The following RNPEPL1 variants were observed in gnomAD, a reference collection of about 807,000 sequenced individuals.
RNPEPL1 encodes aminopeptidase RNPEPL1.
Under a neutral mutation model 69.0 loss-of-function variants are expected in RNPEPL1, and 46 were observed. The ratio of observed to expected loss-of-function variants is 0.67; its 90% CI spans 0.53 to 0.85. The LOEUF (loss-of-function observed/expected upper bound fraction) is 0.85, where lower values mean the gene tolerates loss of function less well. Among genes scored for constraint, RNPEPL1 ranks in the 40% least tolerant of loss-of-function variants. The pLI is 0.00. For missense variants in RNPEPL1, 869 were observed against 992.5 expected, an observed-to-expected ratio of 0.88 and a Z score of 1.67; for synonymous variants, 525 against 454.1, an observed-to-expected ratio of 1.16 and a Z score of -1.98.
At chr2:240,571,312 G>C (rs2093020757) in intron 1 of RNPEPL1, among the ~76,000 whole-genome samples, 1 of 152,214 alleles carries the variant, frequency 6.6e-6, no homozygotes, top group African/African-American at 2.4e-5. Context: ...GGATCCTCCA[G>C]GCCTCAGCTG....
intron 1 of RNPEPL1, among the ~76,000 whole-genome samples, chr2:240,569,512 G>A (rs1273568051): frequency 6.6e-6 from 1 of 152,260 alleles, no homozygotes; most frequent in Non-Finnish European, 1.5e-5. Context: ...AAGGGCCATG[G>A]AGATTGTGAT....
chr2:240,573,720 G>A, intron 3 of RNPEPL1, 55 bp from the exon 4 acceptor site: 1 of 1,405,194 alleles, frequency 7.1e-7, no homozygotes, highest in Non-Finnish European at 9.5e-7. Flanking sequence ...GAGCCTGGTG[G>A]GGTGAGCGGG....
At position 240,568,851 on chromosome 2, in the gene RNPEPL1, G is replaced by T. The variant is rs1298103465; in HGVS notation, c.265G>T (p.Ala89Ser). 1.2e-5 allele frequency: 14 copies of T among 1,189,082 alleles called. No homozygotes were observed. The highest frequency in any genetic ancestry group is 1.5e-5 in the Non-Finnish European group (14 of 955,888). 73.7% of individuals were successfully genotyped at this position (1,189,082 alleles called of 1,614,324 possible). The change falls in exon 1 of 11, where the codon GCC becomes TCC. Residue 89 changes from alanine (A) to serine (S), a missense_variant. This residue lies in a region of RNPEPL1 where 259 missense variants were observed against 201.5 expected (regional missense o/e 1.29). Coordinates refer to ENST00000270357, the MANE Select transcript of RNPEPL1 (RefSeq NM_018226.6). This position sits in a 1 kb window ranked among gnomAD's most constrained non-coding sequence, Gnocchi z 6.2. Reference sequence around the variant, plus strand: ...CCCGGCTCTGCGCCTGCACTCAGCCGCCTTCCGTCGCGCCCCCGCCGCCGC... The same window carrying T: ...CCCGGCTCTGCGCCTGCACTCAGCCTCCTTCCGTCGCGCCCCCGCCGCCGC... ...AHPALRLHSA[A>S]FRRAPAAAAE...
chr2:240,569,830 A>C (rs1575434763), intron 1 of RNPEPL1, among the ~76,000 whole-genome samples: 2 of 152,322 alleles, frequency 1.3e-5, no homozygotes, highest in African/African-American at 4.8e-5. Context: ...CAAGACACAC[A>C]CAGCTGTGGA....
At chr2:240,571,852 C>T (rs1318092517) in intron 1 of RNPEPL1, among the ~76,000 whole-genome samples, 2 of 152,080 alleles carry the variant, frequency 1.3e-5, no homozygotes, top group African/African-American at 2.4e-5. Context: ...CCTCCACTCC[C>T]TGCTTGCTGT....
At chr2:240,575,291 G>A (rs543765320) in intron 7 of RNPEPL1, 149 bp downstream of exon 7, 1 of 743,428 alleles carries the variant, frequency 1.3e-6, no homozygotes, top group Non-Finnish European at 2.3e-6. Context: ...TTCTTTGTGG[G>A]GAGTGCCTGG....
chr2:240,577,918 C>T lies in RNPEPL1; in HGVS notation c.*26C>T. 6.9e-7 allele frequency: 1 copy of T among 1,459,198 alleles called. No individual in the cohort carries two copies. The highest frequency in any genetic ancestry group is 9.1e-7 in the Non-Finnish European group (1 of 1,097,362). The allele number at this position is 1,459,198 out of a possible 1,614,324, so 90.4% of individuals were successfully genotyped here. ...CCCTGTTGGCGGGCTGACCCTCGAC[C>T]TCCCAGACACCACAATTGTGCCTTC... is the stretch of plus-strand genomic sequence containing the variant. On this transcript the variant is annotated 3_prime_UTR_variant, in exon 11 of 11. Transcript: ENST00000270357.
At chr2:240,573,958 G>A (rs1371793914) in intron 4 of RNPEPL1, 67 bp downstream of exon 4, 3 of 1,455,016 alleles carry the variant, frequency 2.1e-6, no homozygotes, top group African/African-American at 1.4e-5. Flanking sequence ...CCCCTCGTCT[G>A]ACCCCTGGGG....
At position 240,568,527 on chromosome 2, in the gene RNPEPL1, G is replaced by A; in HGVS notation, c.-60G>A. On this transcript the variant is annotated 5_prime_UTR_variant, in exon 1 of 11. Transcript: ENST00000270357. The surrounding 1 kb of genome is among the most constrained non-coding windows in gnomAD (Gnocchi z 6.2). ...CGCCCCGCCGCCGCCGCCGCCCGGC[G>A]CCCCTCGCCCGCGGCCCGGCGCGGC... is the stretch of plus-strand genomic sequence containing the variant. 2.6e-6 allele frequency: 2 copies of A among 783,314 alleles called. No individual in the cohort carries two copies. The highest frequency in any genetic ancestry group is 5.5e-5 in the South Asian group (1 of 18,094). 48.5% of individuals were successfully genotyped at this position (783,314 alleles called of 1,614,324 possible).
Position 240,568,893 on chromosome 2 carries a change from G to A in RNPEPL1, c.307G>A (p.Ala103Thr), listed in dbSNP as rs1374058077. The A allele has an allele frequency of 3.9e-6, 5 of 1,269,066 alleles. No individual in the cohort carries two copies. The African/African-American group carries it at 4.8e-5, about 12-fold the overall frequency. The allele number at this position is 1,269,066 out of a possible 1,614,324, so 78.6% of individuals were successfully genotyped here. A position where few individuals can be genotyped will look rare whatever the true frequency, so the allele number is the denominator to read the frequency against. ...CGCCGCCGCCGCCGAGACGCCCTGC[G>A]CCTTCGCCTTCTCCGCCCCCGGGCC... ...APAAAAETPC[A>T]FAFSAPGPGP... The change falls in exon 1 of 11, where the codon GCC becomes ACC. Residue 103 changes from alanine (A) to threonine (T), a missense_variant. Around this residue, in one of 2 missense-constraint regions of RNPEPL1, gnomAD observed 259 missense variants for 201.5 expected, o/e 1.29. Coordinates refer to ENST00000270357, the MANE Select transcript of RNPEPL1 (RefSeq NM_018226.6). The surrounding 1 kb of genome is among the most constrained non-coding windows in gnomAD (Gnocchi z 6.2).
At position 240,578,555 on chromosome 2, in the gene RNPEPL1, T is replaced by A. The variant is rs2125451416; in HGVS notation, c.*663T>A. 6.6e-6 allele frequency: 1 copy of A among 152,490 alleles called. No homozygotes were observed. Among genetic ancestry groups the A allele is most frequent in the East Asian group, 1.9e-4 (1 of 5,228 alleles). 9.4% of individuals were successfully genotyped at this position (152,490 alleles called of 1,614,324 possible). A position where few individuals can be genotyped will look rare whatever the true frequency, so the allele number is the denominator to read the frequency against. ...GGACAGCCTGTCTCTTGTAGCTTCC[T>A]GGGGTGGGAGGCACAGGGGCAAAGC... On this transcript the variant is annotated 3_prime_UTR_variant, in exon 11 of 11. Coordinates refer to ENST00000270357, the MANE Select transcript of RNPEPL1 (RefSeq NM_018226.6).
In RNPEPL1 at chr2:240,575,031, A is replaced by C. The variant is rs754077464; in HGVS notation, c.1290A>C (p.Gly430=). The change falls in exon 7 of 11, where the codon GGA becomes GGC. Residue 430 remains glycine, a splice_region_variant and synonymous_variant. Coordinates refer to ENST00000270357, the MANE Select transcript of RNPEPL1 (RefSeq NM_018226.6). ...VSKLQVKLEP[G]VNPSHLMNLF... ...CCCAGGTGGGTGTTCACCTTGCAGGAGTGAATCCCAGCCACCTGATGAACC... is the reference window on the plus strand; with the variant it reads ...CCCAGGTGGGTGTTCACCTTGCAGGCGTGAATCCCAGCCACCTGATGAACC... The C allele has an allele frequency of 1.9e-6, 3 of 1,612,450 alleles. No individual in the cohort carries two copies. Among genetic ancestry groups the C allele is most frequent in the South Asian group, 2.2e-5 (2 of 91,068 alleles).
intron 6 of RNPEPL1, 108 bp downstream of exon 6, chr2:240,574,736 C>A: frequency 2.0e-6 from 2 of 1,020,162 alleles, no homozygotes; most frequent in South Asian, 1.5e-5. Flanking sequence ...CTGCACTGTG[C>A]CTGGACCCCT....
In RNPEPL1 at chr2:240,573,206, G is replaced by A. The variant is rs1191632824; in HGVS notation, c.766G>A (p.Ala256Thr). 15 of 1,586,238 alleles carry A rather than the reference G, an allele frequency of 9.5e-6. No individual in the cohort carries two copies. The highest frequency in any genetic ancestry group is 4.6e-5 in the East Asian group (2 of 43,740). Residue 256 changes from alanine to threonine, a missense_variant, in exon 3 of 11, where the codon GCC becomes ACC. Around this residue, in one of 2 missense-constraint regions of RNPEPL1, gnomAD observed 610 missense variants for 790.9 expected, o/e 0.77. Coordinates refer to ENST00000270357, the MANE Select transcript of RNPEPL1 (RefSeq NM_018226.6). ...CTTCCACATGGAGCACCCCGTGCCC[G>A]CCTACCTCGTGGCCCTGGTGGCCGG... ...FHFHMEHPVP[A>T]YLVALVAGDL...
chr2:240,568,538 G>A lies in RNPEPL1; in HGVS notation c.-49G>A. On this transcript the variant is annotated 5_prime_UTR_variant, in exon 1 of 11. Coordinates refer to ENST00000270357, the MANE Select transcript of RNPEPL1 (RefSeq NM_018226.6). The surrounding 1 kb of genome is among the most constrained non-coding windows in gnomAD (Gnocchi z 6.2). ...CGCCGCCGCCCGGCGCCCCTCGCCC[G>A]CGGCCCGGCGCGGCCGCCGCCCATG... 1.1e-6 allele frequency: 1 copy of A among 885,532 alleles called. No homozygotes were observed. The highest frequency in any genetic ancestry group is 1.3e-6 in the Non-Finnish European group (1 of 744,010). 54.9% of individuals were successfully genotyped at this position (885,532 alleles called of 1,614,324 possible).
At position 240,576,974 on chromosome 2, in the gene RNPEPL1, G is replaced by T. The variant is rs754919014; in HGVS notation, c.1868G>T (p.Arg623Leu). 2.5e-6 allele frequency: 4 copies of T among 1,613,180 alleles called. No homozygotes were observed. The change falls in exon 10 of 11, where the codon CGC becomes CTC. Residue 623 changes from arginine to leucine, a missense_variant. Arg to Leu is a moderately radical substitution (Grantham distance 102). Around this residue, in one of 2 missense-constraint regions of RNPEPL1, gnomAD observed 610 missense variants for 790.9 expected, o/e 0.77. Coordinates refer to ENST00000270357, the MANE Select transcript of RNPEPL1 (RefSeq NM_018226.6). ...DYYPDLHRVR[R>L]FLESQMSRMY... ...TATCCTGACCTCCACAGGGTGCGGCGCTTCCTGGAGAGCCAGGTGCGGTCA... is the reference window on the plus strand; with the variant it reads ...TATCCTGACCTCCACAGGGTGCGGCTCTTCCTGGAGAGCCAGGTGCGGTCA...
intron 1 of RNPEPL1, 101 bp from the exon 2 acceptor site, chr2:240,572,322 C>A: frequency 7.4e-7 from 1 of 1,358,042 alleles, no homozygotes; most frequent in Non-Finnish European, 9.9e-7. Flanking sequence ...GGCCATTGTC[C>A]CCTCCCAGAG....
At chr2:240,572,605 C>G in intron 2 of RNPEPL1, 42 bp downstream of exon 2, 4 of 1,533,854 alleles carry the variant, frequency 2.6e-6, no homozygotes, top group Non-Finnish European at 3.5e-6. Flanking sequence ...CCCAGGACAG[C>G]CCAGTGGCCT....
In RNPEPL1 at chr2:240,580,344, A is replaced by C. The variant is rs2093049427; in HGVS notation, c.*2452A>C. ...TTTACCAAATGTTTTGCCCCACCTAACAGCCTGCCCACATTCCAAATCCTG... is the reference window on the plus strand; with the variant it reads ...TTTACCAAATGTTTTGCCCCACCTACCAGCCTGCCCACATTCCAAATCCTG... On this transcript the variant is annotated 3_prime_UTR_variant, in exon 11 of 11. Coordinates refer to ENST00000270357, the MANE Select transcript of RNPEPL1 (RefSeq NM_018226.6). 6.6e-6 allele frequency: 1 copy of C among 152,052 alleles called. No homozygotes were observed. Among genetic ancestry groups the C allele is most frequent in the African/African-American group, 2.4e-5 (1 of 41,380 alleles). The allele number at this position is 152,052 out of a possible 1,614,324, so 9.4% of individuals were successfully genotyped here. A position where few individuals can be genotyped will look rare whatever the true frequency, so the allele number is the denominator to read the frequency against.
Sources: gnomAD v4.1 joint callset for allele counts (sites outside exome capture counted in the v4.1 genomes callset) on GRCh38, gnomAD v4.1.1 for gene constraint, gnomAD v4.1.1 regional missense constraint, Gnocchi (gnomAD v3.1) non-coding constraint, MANE v1.5 for transcripts, NCBI Gene and HGNC (gene_info 2026-07-23, HGNC 2026-07-21) for gene names.